The following RNF144A variants were observed in gnomAD, a reference collection of about 807,000 sequenced individuals.
RNF144A encodes the protein E3 ubiquitin-protein ligase RNF144A.
RNF144A carries 11 observed loss-of-function variants against 38.7 expected under a neutral mutation model. That is an observed-to-expected ratio of 0.28 (90% CI 0.18 to 0.47). The LOEUF (loss-of-function observed/expected upper bound fraction) is 0.47, where lower values mean the gene tolerates loss of function less well. Among genes scored for constraint, RNF144A ranks in the 20% least tolerant of loss-of-function variants. The pLI, the probability that RNF144A is intolerant of heterozygous loss-of-function variation, is 0.99. For synonymous variants in RNF144A, 149 were observed against 143.9 expected (o/e 1.04, Z -0.25); for missense variants, 316 against 377.2 (o/e 0.84, Z 1.34).
intron 1 of RNF144A, among the ~76,000 whole-genome samples, chr2:6,920,733 A>C (rs1210376453): frequency 6.6e-6 from 1 of 152,236 alleles, no homozygotes; most frequent in African/African-American, 2.4e-5. Context: ...AATCATTTCC[A>C]AGACTAGCCT....
downstream of RNF144A, among the ~76,000 whole-genome samples, chr2:7,069,531 G>T (rs527635170): frequency 2.0e-5 from 3 of 152,112 alleles, no homozygotes; most frequent in East Asian, 5.8e-4. Flanking sequence ...TGTATCACTT[G>T]CTCCCTCTCA....
chr2:7,053,378 C>T (rs902997331), intron 6 of RNF144A, among the ~76,000 whole-genome samples: 7 of 152,176 alleles, frequency 4.6e-5, no homozygotes, highest in Non-Finnish European at 7.3e-5. Context: ...GTTTATCTCC[C>T]AGTTTCCATG....
rs114223040 is a variant in RNF144A at position 7,031,117 on chromosome 2, C to T, written c.747+902C>T. Among the ~76,000 whole-genome samples, 847 of 152,236 alleles carry T rather than the reference C, an allele frequency of 5.6e-3. 5 individuals carry two copies. Among genetic ancestry groups the T allele is most frequent in the African/African-American group, 0.02 (820 of 41,528 alleles). ...CCCCACCCCCACCACTCACTCCTGC[C>T]GTGCACCCTGGTTCCTAACAGGCTA... On this transcript the variant is annotated intron_variant, in intron 8 of 8. Transcript: ENST00000320892.
intron 5 of RNF144A, among the ~76,000 whole-genome samples, chr2:7,019,393 C>A (rs1462476015): frequency 6.6e-6 from 1 of 152,214 alleles, no homozygotes; most frequent in African/African-American, 2.4e-5. Context: ...GAGTAGGAAT[C>A]CCATGTGTGA....
At chr2:6,985,689 T>C (rs1044371479) in intron 2 of RNF144A, among the ~76,000 whole-genome samples, 5 of 152,232 alleles carry the variant, frequency 3.3e-5, no homozygotes, top group Non-Finnish European at 7.3e-5. Context: ...TCTTTTGTTC[T>C]TGAGACGGAG....
At chr2:6,974,838 A>G (rs1042519049) in intron 2 of RNF144A, among the ~76,000 whole-genome samples, 1 of 152,228 alleles carries the variant, frequency 6.6e-6, no homozygotes, top group African/African-American at 2.4e-5. Context: ...AGAGACAAAA[A>G]ATTAATTAAA....
chr2:6,929,137 C>G (rs989960909), intron 1 of RNF144A, among the ~76,000 whole-genome samples: 1 of 152,100 alleles, frequency 6.6e-6, no homozygotes, highest in African/African-American at 2.4e-5. Context: ...CATGTTATGT[C>G]AACAAAATTG....
intron 6 of RNF144A, among the ~76,000 whole-genome samples, chr2:7,063,489 A>G (rs1674059656): frequency 6.6e-6 from 1 of 152,144 alleles, no homozygotes; most frequent in Non-Finnish European, 1.5e-5. Flanking sequence ...TAAGAGAACA[A>G]AGCTTAGGAA....
chr2:7,070,788 A>G (rs1338981160), downstream of RNF144A, among the ~76,000 whole-genome samples: 1 of 152,188 alleles, frequency 6.6e-6, no homozygotes, highest in Non-Finnish European at 1.5e-5. Context: ...GCGATTGCCA[A>G]CAACCACCAG....
At chr2:7,016,660 T>C (rs1671161386) in intron 5 of RNF144A, among the ~76,000 whole-genome samples, 1 of 151,956 alleles carries the variant, frequency 6.6e-6, no homozygotes, top group South Asian at 2.1e-4. Flanking sequence ...AAAAGACCTG[T>C]CTAGATAAAA....
rs1666144942 is a variant in RNF144A, at chr2:6,943,472, G to C, written c.-12+2325G>C. On this transcript the variant is annotated intron_variant, in intron 2 of 8. Coordinates refer to ENST00000320892, the MANE Select transcript of RNF144A (RefSeq NM_014746.6). The surrounding 1 kb of genome is among the most constrained non-coding windows in gnomAD (Gnocchi z 4.3). Reference sequence around the variant, plus strand: ...TGCGGCAAAAGGGAGCAGAGTTTGAGGTGGTATCTGGTGGGGTAAATAAGC... The same window carrying C: ...TGCGGCAAAAGGGAGCAGAGTTTGACGTGGTATCTGGTGGGGTAAATAAGC... Among the ~76,000 whole-genome samples the C allele has an allele frequency of 6.6e-6, 1 of 152,206 alleles. No individual in the cohort carries two copies. Among genetic ancestry groups the C allele is most frequent in the South Asian group, 2.1e-4 (1 of 4,832 alleles).
At chr2:7,019,359 C>T (rs750075064) in intron 5 of RNF144A, among the ~76,000 whole-genome samples, 8 of 152,332 alleles carry the variant, frequency 5.3e-5, no homozygotes, top group Non-Finnish European at 7.3e-5. Context: ...CCACGTGCGG[C>T]GCCAGCATGT....
At chr2:7,013,538 G>A (rs1387614800) in intron 3 of RNF144A, among the ~76,000 whole-genome samples, 1 of 152,190 alleles carries the variant, frequency 6.6e-6, no homozygotes, top group African/African-American at 2.4e-5. Context: ...GATTAAAGTT[G>A]ATTTGGGGAT....
At chr2:7,072,919 G>A (rs963308314), downstream of RNF144A, among the ~76,000 whole-genome samples, 5 of 152,310 alleles carry the variant, frequency 3.3e-5, no homozygotes, top group East Asian at 7.7e-4. Context: ...TCATGGGCCA[G>A]AATGAACTAG....
Position 7,025,761 on chromosome 2 carries a change from C to A in RNF144A, c.657+1245C>A, listed in dbSNP as rs1251653646. Among the ~76,000 whole-genome samples, 4 of 152,248 alleles carry A rather than the reference C, an allele frequency of 2.6e-5. No homozygotes were observed. In the East Asian group the frequency reaches 7.7e-4, roughly 29 times the overall value. ...ACCATTGTAGCTAGGACAGTCCAAGCAAATCAAGTCGTGTTTCATGAAGGG... is the reference window on the plus strand; with the variant it reads ...ACCATTGTAGCTAGGACAGTCCAAGAAAATCAAGTCGTGTTTCATGAAGGG... On this transcript the variant is annotated intron_variant, in intron 7 of 8. Transcript: ENST00000320892.
intron 6 of RNF144A, among the ~76,000 whole-genome samples, chr2:7,063,167 AGTTT>A (rs1169795284): frequency 6.6e-6 from 1 of 152,240 alleles, no homozygotes; most frequent in Non-Finnish European, 1.5e-5. Context: ...CAGCCTTGGC[AGTTT>A]GTTTGAAGAA....
chr2:6,996,885 G>T, intron 2 of RNF144A, 31 bp from the exon 3 acceptor site: 1 of 1,604,510 alleles, frequency 6.2e-7, no homozygotes, highest in Non-Finnish European at 8.5e-7. Flanking sequence ...GGGGTGGGGA[G>T]GTCTGACCTT....
At chr2:7,033,328 C>T (rs924629143) in intron 8 of RNF144A, among the ~76,000 whole-genome samples, 3 of 152,256 alleles carry the variant, frequency 2.0e-5, no homozygotes, top group Admixed American at 6.5e-5. Context: ...GGTGCTTGAT[C>T]TGGCTGCTGG....
downstream of RNF144A, among the ~76,000 whole-genome samples, chr2:7,071,093 C>A (rs1194906062): frequency 6.6e-6 from 1 of 152,078 alleles, no homozygotes; most frequent in East Asian, 1.9e-4. Flanking sequence ...TGCCACCATG[C>A]CAGGCTAATT....
Sources: gnomAD v4.1 joint callset for allele counts (sites outside exome capture counted in the v4.1 genomes callset) on GRCh38, gnomAD v4.1.1 for gene constraint, Gnocchi (gnomAD v3.1) non-coding constraint, MANE v1.5 for transcripts, NCBI Gene and HGNC (gene_info 2026-07-23, HGNC 2026-07-21) for gene names.